The following NXN variants were observed in gnomAD, a reference collection of about 807,000 sequenced individuals.
NXN encodes nucleoredoxin, also known as nucleoredoxin 1.
In NXN, 16 loss-of-function variants were observed where a neutral mutation model predicts 48.6. That is an observed-to-expected ratio of 0.33 (90% CI 0.22 to 0.50). The LOEUF is 0.50. Among genes scored for constraint, NXN ranks in the 20% least tolerant of loss-of-function variants. The pLI, the probability that NXN is intolerant of heterozygous loss-of-function variation, is 0.98. For missense variants in NXN, 492 were observed against 605.5 expected, an observed-to-expected ratio of 0.81 and a Z score of 1.97; for synonymous variants, 281 against 269.6, an observed-to-expected ratio of 1.04 and a Z score of -0.41.
chr17:979,071 G>A (rs12951861), intron 1 of NXN, among the ~76,000 whole-genome samples: 1 of 136,646 alleles, frequency 7.3e-6, no homozygotes, highest in Non-Finnish European at 1.6e-5. Flanking sequence ...TCGAACCAAA[G>A]AGGGGTCCTG....
chr17:813,233 C>T (rs1912269923), intron 5 of NXN, among the ~76,000 whole-genome samples: 1 of 152,232 alleles, frequency 6.6e-6, no homozygotes. Context: ...CCCAGCCTGG[C>T]CACATTTAAA....
intron 1 of NXN, among the ~76,000 whole-genome samples, chr17:841,497 C>A (rs62067127): frequency 0.26 from 5,682 of 21,852 alleles, 137 homozygotes; most frequent in East Asian, 0.39. Context: ...CTGACCACGG[C>A]GCATCTCACA....
At position 920,096 on chromosome 17, in the gene NXN, C is replaced by T. The variant is rs984117038; in HGVS notation, c.360+59223G>A. ...TGTATTTTTGGTGGAGACAAGGTTT[C>T]GCCATGTTGCCCAGGCTGGTCTTGA... On this transcript the variant is annotated intron_variant, in intron 1 of 7. Transcript: ENST00000336868. This position sits in a 1 kb window ranked among gnomAD's most constrained non-coding sequence, Gnocchi z 4.6. Among the ~76,000 whole-genome samples the T allele has an allele frequency of 7.2e-5, 11 of 152,076 alleles. No individual in the cohort carries two copies. Among genetic ancestry groups the T allele is most frequent in the African/African-American group, 2.4e-4 (10 of 41,420 alleles).
In NXN at chr17:922,245, C is replaced by T. The variant is rs117584463; in HGVS notation, c.360+57074G>A. Among the ~76,000 whole-genome samples, 991 of 152,174 alleles carry T rather than the reference C, an allele frequency of 6.5e-3. 7 individuals carry two copies. The highest frequency in any genetic ancestry group is 0.011 in the Non-Finnish European group (742 of 68,002). On this transcript the variant is annotated intron_variant, in intron 1 of 7. Transcript: ENST00000336868. ...TCATTTGAGGCTGGGAGTTTGAGAC[C>T]AGCCTGGCCAACACGGTGAAACCTC...
rs553935290 is a variant in NXN at position 822,349 on chromosome 17, C to T, written c.713+8G>A. The T allele has an allele frequency of 2.4e-5, 39 of 1,606,750 alleles. No individual in the cohort carries two copies. The highest frequency in any genetic ancestry group is 7.7e-5 in the South Asian group (7 of 90,928). On this transcript the variant is annotated splice_region_variant and intron_variant, in intron 4 of 7. Coordinates refer to ENST00000336868, the MANE Select transcript of NXN (RefSeq NM_022463.5). ...AAAAGGGGCCCAGCACTTCACGGCA[C>T]GACTGACCTGTCTGCACTAACGAAG...
chr17:926,633 C>G (rs1779781015), intron 1 of NXN, among the ~76,000 whole-genome samples: 1 of 151,784 alleles, frequency 6.6e-6, no homozygotes, highest in South Asian at 2.1e-4. Context: ...ACAGCCTCTG[C>G]TTCCCGGGCT....
chr17:876,107 G>C (rs955506739), intron 1 of NXN, among the ~76,000 whole-genome samples: 1 of 151,954 alleles, frequency 6.6e-6, no homozygotes, highest in East Asian at 1.9e-4. Flanking sequence ...CTTGAACCTG[G>C]GGGGGTGGAG....
chr17:865,782 G>A (rs1029539102), intron 1 of NXN, among the ~76,000 whole-genome samples: 20 of 150,822 alleles, frequency 1.3e-4, no homozygotes, highest in South Asian at 2.1e-4. Context: ...TCAGGAGTTC[G>A]AGACCAGCCT....
intron 1 of NXN, among the ~76,000 whole-genome samples, chr17:834,169 A>G (rs1913656423): frequency 6.6e-6 from 1 of 152,180 alleles, no homozygotes; most frequent in Non-Finnish European, 1.5e-5. Context: ...AAAAAAATAC[A>G]AAAATTAGCC....
rs1436750995 is a variant in NXN, at chr17:932,888, T to C, written c.360+46431A>G. 2.0e-5 allele frequency among the ~76,000 whole-genome samples: 3 copies of C among 152,174 alleles called. No individual in the cohort carries two copies. The highest frequency in any genetic ancestry group is 7.2e-5 in the African/African-American group (3 of 41,448). The stretch of plus-strand genomic sequence containing the variant: ...GTCTCGAACTCCTGACCTCAGGTGA[T>C]CCGCCCGCCTCGGCCTCCCTCAGTA... On this transcript the variant is annotated intron_variant, in intron 1 of 7. Coordinates refer to ENST00000336868, the MANE Select transcript of NXN (RefSeq NM_022463.5). This position sits in a 1 kb window ranked among gnomAD's most constrained non-coding sequence, Gnocchi z 4.1.
intron 1 of NXN, among the ~76,000 whole-genome samples, chr17:881,661 A>G (rs1455465045): frequency 6.6e-6 from 1 of 152,224 alleles, no homozygotes; most frequent in Non-Finnish European, 1.5e-5. Context: ...TTTTAAGTCC[A>G]TAAAAATGTT....
chr17:915,735 T>C (rs954501297), intron 1 of NXN, among the ~76,000 whole-genome samples: 2 of 145,666 alleles, frequency 1.4e-5, no homozygotes, highest in Non-Finnish European at 1.5e-5. Flanking sequence ...AGAGACCAGT[T>C]AGTGCAACAC....
At chr17:964,883 GGGCTTCGC>G (rs2069283826) in intron 1 of NXN, among the ~76,000 whole-genome samples, 3 of 152,168 alleles carry the variant, frequency 2.0e-5, no homozygotes, top group African/African-American at 7.2e-5. Flanking sequence ...ATTAGCCAGC[GGGCTTCGC>G]ATCCTGTGTG....
chr17:878,499 T>TGGGGG (rs1430520351), intron 1 of NXN, among the ~76,000 whole-genome samples: 2 of 42,296 alleles, frequency 4.7e-5, no homozygotes, highest in Non-Finnish European at 8.7e-5. Context: ...GGGGAGGGGG[T>TGGGGG]GCCCTTGAAG....
chr17:860,940 A>T (rs2068034011), intron 1 of NXN, among the ~76,000 whole-genome samples: 1 of 152,214 alleles, frequency 6.6e-6, no homozygotes, highest in South Asian at 2.1e-4. Flanking sequence ...AACTGAAAAG[A>T]AAGTTTGAAC....
At chr17:874,443 G>A (rs1417629634) in intron 1 of NXN, among the ~76,000 whole-genome samples, 1 of 152,172 alleles carries the variant, frequency 6.6e-6, no homozygotes, top group Non-Finnish European at 1.5e-5. Context: ...AATTAGCCGG[G>A]CGTGGTGGCA....
In NXN at chr17:814,123, G is replaced by C. The variant is rs188540064; in HGVS notation, c.820+5316C>G. Among the ~76,000 whole-genome samples, 8 of 152,208 alleles carry C rather than the reference G, an allele frequency of 5.3e-5. No homozygotes were observed. The East Asian group carries it at 1.5e-3, about 29-fold the overall frequency. On this transcript the variant is annotated intron_variant, in intron 5 of 7. Coordinates refer to ENST00000336868, the MANE Select transcript of NXN (RefSeq NM_022463.5). ...TAAAAATACAAAAAGTTAGCCAGGT[G>C]TGGTGGTGGGTGCCTATAATCCCAG...
chr17:860,844 G>C (rs1396055419), intron 1 of NXN, among the ~76,000 whole-genome samples: 1 of 152,212 alleles, frequency 6.6e-6, no homozygotes, highest in East Asian at 1.9e-4. Context: ...TACCTATCTA[G>C]ACAAAAAGGC....
chr17:881,196 G>T (rs936343710), intron 1 of NXN, among the ~76,000 whole-genome samples: 1 of 152,226 alleles, frequency 6.6e-6, no homozygotes, highest in Non-Finnish European at 1.5e-5. Flanking sequence ...CCCGGGTGAG[G>T]ACGTGGAGCA....
Sources: allele counts gnomAD v4.1 joint callset (sites outside exome capture counted in the v4.1 genomes callset), GRCh38; gene constraint gnomAD v4.1.1; non-coding constraint Gnocchi (gnomAD v3.1); transcripts MANE v1.5; gene names NCBI Gene and HGNC (gene_info 2026-07-23, HGNC 2026-07-21).